PTPRB: variants seen among roughly 807,000 people sequenced by gnomAD.
The protein encoded by PTPRB is receptor-type tyrosine-protein phosphatase beta.
In PTPRB, 97 loss-of-function variants were observed where a neutral mutation model predicts 238.1. That is an observed-to-expected ratio of 0.41 (90% confidence interval 0.35 to 0.48). PTPRB has a LOEUF of 0.48. PTPRB is among the 20% of genes least tolerant of loss of function. The probability of loss-of-function intolerance (pLI) is 0.30; values close to 1 mark genes in which losing one functional copy is unlikely to be tolerated. For synonymous variants in PTPRB, 970 were observed against 995.4 expected, an observed-to-expected ratio of 0.97 and a Z score of 0.48; for missense variants, 2,292 against 2,681.9, an observed-to-expected ratio of 0.85 and a Z score of 3.21.
In PTPRB at chr12:70,569,786, G is replaced by A; in HGVS notation, c.3523C>T (p.His1175Tyr). The change falls in exon 14 of 34, where the codon CAC (histidine) becomes TAC (tyrosine). Residue 1175 changes from histidine (H) to tyrosine (Y), a missense_variant. Physicochemically the swap from His to Tyr is moderately conservative, Grantham distance 83. Coordinates refer to ENST00000334414, the MANE Select transcript of PTPRB (RefSeq NM_001109754.4). ...CTGTGGAACGTGTGCTCAAAGACGT[G>A]CTTGGGAATAGTCTGAGAGTCAACC... ...QKVDSQTIPK[H>Y]VFEHTFHRLE... The A allele has an allele frequency of 1.2e-6, 2 of 1,613,902 alleles. No individual in the cohort carries two copies. Among genetic ancestry groups the A allele is most frequent in the Non-Finnish European group, 1.7e-6 (2 of 1,179,874 alleles).
chr12:70,586,976 T>C, intron 9 of PTPRB, 31 bp downstream of exon 9: 1 of 1,587,332 alleles, frequency 6.3e-7, no homozygotes, highest in Non-Finnish European at 8.6e-7. Context: ...GACAGAACAC[T>C]TTAAAATGTA....
chr12:70,531,388 T>C (rs531706250), intron 32 of PTPRB, among the ~76,000 whole-genome samples: 3 of 152,234 alleles, frequency 2.0e-5, no homozygotes, highest in Non-Finnish European at 2.9e-5. Flanking sequence ...ATTTGAGCCT[T>C]AGAAGGCATT....
intron 3 of PTPRB, among the ~76,000 whole-genome samples, chr12:70,615,453 T>C (rs562917326): frequency 2.6e-5 from 4 of 152,318 alleles, no homozygotes; most frequent in African/African-American, 9.6e-5. Flanking sequence ...TTCCTGGTAT[T>C]CTTTTTTCCC....
intron 32 of PTPRB, among the ~76,000 whole-genome samples, chr12:70,529,973 T>C (rs376146955): frequency 4.3e-5 from 6 of 140,838 alleles, no homozygotes; most frequent in East Asian, 1.9e-4. Context: ...CCATGGGGAG[T>C]AGAGGAATAT....
intron 21 of PTPRB, among the ~76,000 whole-genome samples, chr12:70,552,353 G>A (rs532877602): frequency 5.3e-5 from 8 of 151,904 alleles, no homozygotes; most frequent in African/African-American, 1.4e-4. Context: ...GTGTGGTGGC[G>A]TGCACTTGTA....
intron 4 of PTPRB, among the ~76,000 whole-genome samples, chr12:70,604,400 G>C (rs1347868938): frequency 6.6e-6 from 1 of 152,056 alleles, no homozygotes; most frequent in Non-Finnish European, 1.5e-5. Flanking sequence ...ACAAATAATA[G>C]AAAAATTATG....
At chr12:70,633,510 C>T (rs752592565) in intron 2 of PTPRB, among the ~76,000 whole-genome samples, 1 of 152,004 alleles carries the variant, frequency 6.6e-6, no homozygotes, top group Admixed American at 6.6e-5. Flanking sequence ...TAAGATGGAG[C>T]AGAAAAATAT....
At chr12:70,590,352 A>G (rs888018863) in intron 7 of PTPRB, 119 bp from the exon 8 acceptor site, 1 of 1,047,436 alleles carries the variant, frequency 9.5e-7, no homozygotes, top group East Asian at 2.5e-5. Flanking sequence ...AAACATTTCT[A>G]TCCCCTCTTG....
At chr12:70,572,759 G>A (rs1880216870) in intron 11 of PTPRB, among the ~76,000 whole-genome samples, 1 of 131,442 alleles carries the variant, frequency 7.6e-6, no homozygotes, top group Non-Finnish European at 1.6e-5. Context: ...GGGTGATGGA[G>A]CAAGACTCCA....
At chr12:70,566,358 C>T in intron 15 of PTPRB, 77 bp downstream of exon 15, 1 of 1,500,126 alleles carries the variant, frequency 6.7e-7, no homozygotes, top group Non-Finnish European at 9.0e-7. Context: ...GTTGCTTCAT[C>T]CCTCTCACCC....
Position 70,540,885 on chromosome 12 carries a change from G to GCAA in PTPRB, c.5564_5566dup (p.Val1855dup). Reference sequence around the variant, plus strand: ...CACTTTCTGTCTGCAGATCAATAAGGCAACAACAGCCACTAGCATGCCAAT... The same window carrying GCAA: ...CACTTTCTGTCTGCAGATCAATAAGGCAACAACAACAGCCACTAGCATGCCAAT... On this transcript the variant is annotated inframe_insertion, in exon 23 of 34. Transcript: ENST00000334414. 1 of 1,604,446 alleles carries GCAA rather than the reference G, an allele frequency of 6.2e-7. No individual in the cohort carries two copies. The highest frequency in any genetic ancestry group is 8.5e-7 in the Non-Finnish European group (1 of 1,175,420).
At chr12:70,541,335 G>A in intron 22 of PTPRB, 1 of 159,402 alleles carries the variant, frequency 6.3e-6, no homozygotes, top group Non-Finnish European at 1.4e-5. Context: ...CAGCATCTGG[G>A]GCTTTGGAAA....
chr12:70,587,358 C>T lies in PTPRB; in HGVS notation c.2051-91G>A, dbSNP rs1184145462. 1.2e-5 allele frequency: 17 copies of T among 1,386,094 alleles called. No homozygotes were observed. In the Middle Eastern group the frequency reaches 5.7e-4, roughly 46 times the overall value. The allele number at this position is 1,386,094 out of a possible 1,614,324, so 85.9% of individuals were successfully genotyped here. A position where few individuals can be genotyped will look rare whatever the true frequency, so the allele number is the denominator to read the frequency against. On this transcript the variant is annotated intron_variant, in intron 8 of 33. Transcript: ENST00000334414. ...ATAGTTCTCCTCTTCCATCCTTAAG[C>T]GTGTTTCAGTTCAACATTTATTTTA...
Position 70,556,142 on chromosome 12 carries a change from T to C in PTPRB, c.4721A>G (p.Asp1574Gly), listed in dbSNP as rs112298022. The C allele has an allele frequency of 4.1e-5, 66 of 1,612,772 alleles. No individual in the cohort carries two copies. Among genetic ancestry groups the C allele is most frequent in the Non-Finnish European group, 5.3e-5 (63 of 1,179,254 alleles). Reference sequence around the variant, plus strand: ...CCGGCAATGCAGGTTTTGTATCTTGTCAGGCTCTAAAGGAAACAGAGGAGG... The same window carrying C: ...CCGGCAATGCAGGTTTTGTATCTTGCCAGGCTCTAAAGGAAACAGAGGAGG... The part of the protein sequence containing the change: ...PIFGSVRTKP[D>G]KIQNLHCRPQ... The change falls in exon 19 of 34, where the codon GAC (aspartate) becomes GGC (glycine). Residue 1574 changes from aspartate to glycine, a missense_variant. Asp to Gly is a moderately conservative substitution (Grantham distance 94, BLOSUM62 -1). Coordinates refer to ENST00000334414, the MANE Select transcript of PTPRB (RefSeq NM_001109754.4).
rs1268716072 is a variant in PTPRB at position 70,538,739 on chromosome 12, ACTGG to A, written c.5869+181_5869+184del. 3.9e-5 allele frequency: 23 copies of A among 596,750 alleles called. No homozygotes were observed. The African/African-American group carries it at 4.3e-4, about 11-fold the overall frequency. 37.0% of individuals were successfully genotyped at this position (596,750 alleles called of 1,614,324 possible). A position where few individuals can be genotyped will look rare whatever the true frequency, so the allele number is the denominator to read the frequency against. ...GAGGACTTTCATAATCAGAATTTAA[ACTGG>A]CTATTATCCCTCTGGAGGGAAGTGC... On this transcript the variant is annotated intron_variant, in intron 27 of 33. Transcript: ENST00000334414.
Position 70,520,238 on chromosome 12 carries a change from T to C in PTPRB, c.*1251A>G, listed in dbSNP as rs1326686231. On this transcript the variant is annotated 3_prime_UTR_variant, in exon 34 of 34. Transcript: ENST00000334414. ...CTGGACCTTGATGAAGGAAATACTT[T>C]CTGACTCATTGGAATTTGTTATAGT... 1 of 472,358 alleles carries C rather than the reference T, an allele frequency of 2.1e-6. No homozygotes were observed. The highest frequency in any genetic ancestry group is 1.5e-5 in the South Asian group (1 of 65,334). 29.3% of individuals were successfully genotyped at this position (472,358 alleles called of 1,614,324 possible). A position where few individuals can be genotyped will look rare whatever the true frequency, so the allele number is the denominator to read the frequency against.
chr12:70,536,507 G>A (rs147282648), intron 28 of PTPRB, among the ~76,000 whole-genome samples: 191 of 152,240 alleles, frequency 1.3e-3, no homozygotes, highest in African/African-American at 4.0e-3. Context: ...CCTATTTAAT[G>A]TAGAAGAGTG....
chr12:70,636,393 A>G (rs1413236669), intron 1 of PTPRB, among the ~76,000 whole-genome samples: 1 of 151,894 alleles, frequency 6.6e-6, no homozygotes, highest in East Asian at 1.9e-4. Flanking sequence ...AGTATATAGT[A>G]TATTTTAGCC....
chr12:70,576,579 C>A lies in PTPRB; in HGVS notation c.2645G>T (p.Trp882Leu). ...ATCCACATCTCCGGGCGCCAGCAGC[C>A]AGGAAACGCTGAGGTAGTCATTACG... ...SGRNDYLSVS[W>L]LLAPGDVDNY... The change falls in exon 11 of 34, where the codon TGG (tryptophan) becomes TTG (leucine). Residue 882 changes from tryptophan to leucine, a missense_variant. Physicochemically the swap from Trp to Leu is moderately conservative, Grantham distance 61. Transcript: ENST00000334414. 6.5e-7 allele frequency: 1 copy of A among 1,547,274 alleles called. No homozygotes were observed. Among genetic ancestry groups the A allele is most frequent in the East Asian group, 2.5e-5 (1 of 40,764 alleles).
Sources: gnomAD v4.1 joint callset for allele counts (sites outside exome capture counted in the v4.1 genomes callset) on GRCh38, gnomAD v4.1.1 for gene constraint, MANE v1.5 for transcripts, NCBI Gene and HGNC (gene_info 2026-07-23, HGNC 2026-07-21) for gene names.